The following PACC1 variants were observed in gnomAD, a reference collection of about 807,000 sequenced individuals.
The protein encoded by PACC1 is proton activated chloride channel 1, also known as proton-activated chloride channel.
In PACC1, 34 loss-of-function variants were observed where a neutral mutation model predicts 39.7. That is an observed-to-expected ratio of 0.86 (90% CI 0.65 to 1.14). The LOEUF (loss-of-function observed/expected upper bound fraction) is 1.14, where lower values mean the gene tolerates loss of function less well. PACC1 is among the 50% of genes most tolerant of loss of function. The pLI is 0.00. For synonymous variants in PACC1, 127 were observed against 160.6 expected (o/e 0.79, Z 1.58); for missense variants, 379 against 436.4 (o/e 0.87, Z 1.17).
intron 2 of PACC1, among the ~76,000 whole-genome samples, chr1:212,405,927 A>G (rs1661893728): frequency 6.6e-6 from 1 of 151,988 alleles, no homozygotes; most frequent in Non-Finnish European, 1.5e-5. Context: ...GGATCACTGG[A>G]GCCCAGGAGT....
At chr1:212,412,252 C>T (rs1214306416) in intron 1 of PACC1, among the ~76,000 whole-genome samples, 1 of 152,170 alleles carries the variant, frequency 6.6e-6, no homozygotes, top group African/African-American at 2.4e-5. Flanking sequence ...AGAGGTCTCA[C>T]TGGCCAAAGG....
chr1:212,401,957 G>A (rs957275178), intron 2 of PACC1, among the ~76,000 whole-genome samples: 1 of 152,172 alleles, frequency 6.6e-6, no homozygotes, highest in African/African-American at 2.4e-5. Context: ...CTACAGGCAT[G>A]AGCCACCGCA....
chr1:212,387,176 C>CCCTT, intron 2 of PACC1, 76 bp from the exon 3 acceptor site: 1 of 1,455,110 alleles, frequency 6.9e-7, no homozygotes, highest in South Asian at 1.2e-5. Context: ...AACCTCCAGG[C>CCCTT]CCTTGCCTGC....
In PACC1 at chr1:212,396,848, CTATT is replaced by C. The variant is rs879386318; in HGVS notation, c.134-9752_134-9749del. Among the ~76,000 whole-genome samples, 744 of 119,874 alleles carry C rather than the reference CTATT, an allele frequency of 6.2e-3. 2 individuals are homozygous for C. The highest frequency in any genetic ancestry group is 0.019 in the East Asian group (77 of 4,044). The allele number at this position is 119,874 out of a possible 152,430, so 78.6% of individuals were successfully genotyped here. On this transcript the variant is annotated intron_variant, in intron 2 of 7. Coordinates refer to ENST00000261455, the MANE Select transcript of PACC1 (RefSeq NM_018252.3). ...TCTATCTATCTATCTATCTATCTAT[CTATT>C]ACATATAGAGCACTGATATTAACGA...
At chr1:212,396,755 TAAAGA>T (rs1661536538) in intron 2 of PACC1, among the ~76,000 whole-genome samples, 2 of 145,928 alleles carry the variant, frequency 1.4e-5, no homozygotes, top group Non-Finnish European at 3.0e-5. Flanking sequence ...AGTGCTAATG[TAAAGA>T]AAAGAGAAAA....
intron 2 of PACC1, among the ~76,000 whole-genome samples, chr1:212,388,507 G>C (rs1257840032): frequency 6.6e-6 from 1 of 152,134 alleles, no homozygotes; most frequent in South Asian, 2.1e-4. Flanking sequence ...GGACTTCAAG[G>C]ATATAATTAA....
intron 7 of PACC1, among the ~76,000 whole-genome samples, chr1:212,373,073 G>A (rs1471292579): frequency 6.6e-6 from 1 of 152,080 alleles, no homozygotes; most frequent in Non-Finnish European, 1.5e-5. Context: ...AAAGAACAAA[G>A]CTGAAGGCAT....
intron 2 of PACC1, among the ~76,000 whole-genome samples, chr1:212,388,356 C>T (rs1052219885): frequency 6.6e-6 from 1 of 152,188 alleles, no homozygotes; most frequent in African/African-American, 2.4e-5. Flanking sequence ...ATTGGTACAA[C>T]ACAACTCTGT....
rs1409207940 is a variant in PACC1, at chr1:212,394,950, T to C, written c.134-7850A>G. 5.9e-5 allele frequency among the ~76,000 whole-genome samples: 9 copies of C among 152,312 alleles called. No individual in the cohort carries two copies. The South Asian group carries it at 1.9e-3, about 32-fold the overall frequency. On this transcript the variant is annotated intron_variant, in intron 2 of 7. Transcript: ENST00000261455. The stretch of plus-strand genomic sequence containing the variant: ...TGAAATAAAAGAGGACACAAACAAA[T>C]GGAAGAACATTCCATGCTCATGGAT...
chr1:212,400,828 C>G (rs1558180368), intron 2 of PACC1, among the ~76,000 whole-genome samples: 1 of 152,176 alleles, frequency 6.6e-6, no homozygotes, highest in East Asian at 1.9e-4. Context: ...AAATTCAAGA[C>G]AGAATTCCTT....
In PACC1 at chr1:212,365,032, C is replaced by T. The variant is rs1396015693; in HGVS notation, c.*183G>A. The T allele has an allele frequency of 6.7e-6, 3 of 448,766 alleles. No individual in the cohort carries two copies. Among genetic ancestry groups the T allele is most frequent in the Non-Finnish European group, 1.2e-5 (3 of 257,606 alleles). The allele number at this position is 448,766 out of a possible 1,614,324, so 27.8% of individuals were successfully genotyped here. A position where few individuals can be genotyped will look rare whatever the true frequency, so the allele number is the denominator to read the frequency against. On this transcript the variant is annotated 3_prime_UTR_variant, in exon 8 of 8. Coordinates refer to ENST00000261455, the MANE Select transcript of PACC1 (RefSeq NM_018252.3). ...TTGTAGGTTTATCCATTAGTCTCTT[C>T]TATTAGGCTCTACACCGCCTCTTTT... is the stretch of plus-strand genomic sequence containing the variant.
At chr1:212,376,202 A>G (rs701906) in intron 6 of PACC1, among the ~76,000 whole-genome samples, 126,573 of 152,082 alleles carry the variant, frequency 0.83, 53,100 homozygotes, top group African/African-American at 0.94. Context: ...CCAGAGGCTC[A>G]GATCCATCAT....
At position 212,388,695 on chromosome 1, in the gene PACC1, T is replaced by C. The variant is rs180933008; in HGVS notation, c.134-1595A>G. 4.6e-5 allele frequency among the ~76,000 whole-genome samples: 7 copies of C among 152,338 alleles called. No homozygotes were observed. The East Asian group carries it at 1.3e-3, about 29-fold the overall frequency. On this transcript the variant is annotated intron_variant, in intron 2 of 7. Transcript: ENST00000261455. ...ACCAGAATTCAATCCTGCTGGCACCTTGATATTGGATTCTCGCTTCCAGAA... is the reference window on the plus strand; with the variant it reads ...ACCAGAATTCAATCCTGCTGGCACCCTGATATTGGATTCTCGCTTCCAGAA...
rs1339227980 is a variant in PACC1, at chr1:212,386,248, A to C, written c.343+643T>G. 6.6e-6 allele frequency among the ~76,000 whole-genome samples: 1 copy of C among 152,132 alleles called. No homozygotes were observed. Among genetic ancestry groups the C allele is most frequent in the African/African-American group, 2.4e-5 (1 of 41,414 alleles). On this transcript the variant is annotated intron_variant, in intron 3 of 7. Coordinates refer to ENST00000261455, the MANE Select transcript of PACC1 (RefSeq NM_018252.3). This position sits in a 1 kb window ranked among gnomAD's most constrained non-coding sequence, Gnocchi z 5.0. Reference sequence around the variant, plus strand: ...ACACTGGGTGGACAGGGCCCAAGTCACACAGCTCATGCCTCCTCATTTACT... The same window carrying C: ...ACACTGGGTGGACAGGGCCCAAGTCCCACAGCTCATGCCTCCTCATTTACT...
At chr1:212,392,428 G>A (rs905287295) in intron 2 of PACC1, among the ~76,000 whole-genome samples, 1 of 152,150 alleles carries the variant, frequency 6.6e-6, no homozygotes, top group East Asian at 1.9e-4. Context: ...CCCTAAAAGA[G>A]CTCCTGAAGG....
Position 212,365,429 on chromosome 1 carries a change from CTTTTTTTTT to C in PACC1, c.892-62_892-54del, listed in dbSNP as rs879161931. 1.3e-5 allele frequency: 13 copies of C among 978,082 alleles called. No homozygotes were observed. The African/African-American group carries it at 2.5e-4, about 19-fold the overall frequency. The allele number at this position is 978,082 out of a possible 1,614,324, so 60.6% of individuals were successfully genotyped here. A position where few individuals can be genotyped will look rare whatever the true frequency, so the allele number is the denominator to read the frequency against. On this transcript the variant is annotated intron_variant, in intron 7 of 7. Transcript: ENST00000261455. ...TTACTGGTTTGCTTCAGTCTTGATTCTTTTTTTTTTTTTTTTTTTGAGATGGAGTTTCGC... is the reference window on the plus strand; with the variant it reads ...TTACTGGTTTGCTTCAGTCTTGATTCTTTTTTTTTTGAGATGGAGTTTCGC...
intron 7 of PACC1, among the ~76,000 whole-genome samples, chr1:212,374,049 G>GAAAAAAAAAAAAAAAAAAAAAA (rs199738815): frequency 1.1e-5 from 1 of 89,992 alleles, no homozygotes; most frequent in Non-Finnish European, 2.6e-5. Context: ...AAAAAGAAAA[G>GAAAAAAAAAAAAAAAAAAAAAA]AAAAAAAAAA....
intron 2 of PACC1, among the ~76,000 whole-genome samples, chr1:212,404,436 C>G (rs994299519): frequency 5.9e-5 from 9 of 151,872 alleles, no homozygotes; most frequent in African/African-American, 1.9e-4. Flanking sequence ...CTGCTCCCTA[C>G]TAGATAATGT....
At chr1:212,379,025 A>C (rs559160573) in intron 5 of PACC1, among the ~76,000 whole-genome samples, 1 of 151,230 alleles carries the variant, frequency 6.6e-6, no homozygotes, top group Non-Finnish European at 1.5e-5. Flanking sequence ...CTCACTGCAA[A>C]CTCTGCCTCC....
Sources: allele counts gnomAD v4.1 joint callset (sites outside exome capture counted in the v4.1 genomes callset), GRCh38; gene constraint gnomAD v4.1.1; non-coding constraint Gnocchi (gnomAD v3.1); transcripts MANE v1.5; gene names NCBI Gene and HGNC (gene_info 2026-07-23, HGNC 2026-07-21).